Variants in GABRQ observed in about 807,000 individuals in gnomAD.
GABRQ encodes gamma-aminobutyric acid type A receptor subunit theta, also known as gamma-aminobutyric acid receptor subunit theta.
A neutral mutation model predicts 30.5 loss-of-function variants in GABRQ; 19 were observed. The ratio of observed to expected loss-of-function variants is 0.62; its 90% confidence interval spans 0.43 to 0.91. GABRQ has a LOEUF of 0.91. GABRQ is among the 40% of genes least tolerant of loss of function. GABRQ has a pLI of 0.00. For missense variants in GABRQ, 520 were observed against 521.4 expected (o/e 1.00, Z 0.03); for synonymous variants, 187 against 210.2 (o/e 0.89, Z 0.95).
chrX:152,647,685 G>T (rs1223248699), intron 4 of GABRQ, among the ~76,000 whole-genome samples: 1 of 111,306 alleles, frequency 9.0e-6, no homozygotes, highest in Non-Finnish European at 1.9e-5. Context: ...AGTGCGGAGG[G>T]GCAGGGTGTG....
At chrX:152,638,618 C>G (rs1182834479) in intron 1 of GABRQ, among the ~76,000 whole-genome samples, 2 of 112,099 alleles carry the variant, frequency 1.8e-5, no homozygotes, top group African/African-American at 6.5e-5. Flanking sequence ...AACCGCAGCC[C>G]GAGGGGTGGG....
rs782699208 is a variant in GABRQ at position 152,652,908 on chromosome X, G to A, written c.1526G>A (p.Arg509His). 2.6e-5 allele frequency: 32 copies of A among 1,211,488 alleles called. No individual in the cohort carries two copies. Among genetic ancestry groups the A allele is most frequent in the East Asian group, 5.9e-5 (2 of 33,853 alleles). ...DSNESLSSDE[R>H]HGHGPSGKPM... ...AATGAGAGCTTGAGCTCGGATGAGC[G>A]CCATGGCCATGGCCCCAGTGGGAAG... Residue 509 changes from arginine (R) to histidine (H), a missense_variant, in exon 9 of 9, where the codon CGC becomes CAC. Coordinates refer to ENST00000598523, the MANE Select transcript of GABRQ (RefSeq NM_018558.4).
Position 152,638,183 on chromosome X carries a change from G to A in GABRQ, c.-20G>A. On this transcript the variant is annotated 5_prime_UTR_variant, in exon 1 of 9. Coordinates refer to ENST00000598523, the MANE Select transcript of GABRQ (RefSeq NM_018558.4). ...GCGGCCCCGTCTCCCGCGCCCTCAG[G>A]CGCCCAGAACGCCCCGGCCATGGGC... 9.1e-6 allele frequency: 11 copies of A among 1,205,206 alleles called. No individual in the cohort carries two copies. Among genetic ancestry groups the A allele is most frequent in the Non-Finnish European group, 1.2e-5 (11 of 891,692 alleles).
chrX:152,647,680 G>A (rs1008390416), intron 4 of GABRQ, among the ~76,000 whole-genome samples: 7 of 111,374 alleles, frequency 6.3e-5, no homozygotes, highest in African/African-American at 1.6e-4. Context: ...CCAGGAGTGC[G>A]GAGGGGCAGG....
intron 2 of GABRQ, among the ~76,000 whole-genome samples, chrX:152,643,713 TCA>T (rs1289729785): frequency 8.9e-6 from 1 of 111,822 alleles, no homozygotes; most frequent in Non-Finnish European, 1.9e-5. Flanking sequence ...ACTGTCACAC[TCA>T]CACATTAACA....
intron 3 of GABRQ, among the ~76,000 whole-genome samples, chrX:152,646,513 G>A (rs782728495): frequency 2.7e-5 from 3 of 112,295 alleles, no homozygotes; most frequent in Non-Finnish European, 3.8e-5. Flanking sequence ...ATAATGTTGA[G>A]TGAAAGAAGC....
rs1556819815 is a variant in GABRQ at position 152,649,754 on chromosome X, T to C, written c.623T>C (p.Val208Ala). 8.4e-7 allele frequency: 1 copy of C among 1,189,014 alleles called. No individual in the cohort carries two copies. Among genetic ancestry groups the C allele is most frequent in the Non-Finnish European group, 1.1e-6 (1 of 876,774 alleles). ...NLVVESYGYT[V>A]EDIILFWDDN... is the part of the protein sequence containing the mutation. ...CTCTCCTTCCCAGATGGTTACACGG[T>C]TGAAGACATCATATTATTCTGGGAT... is the stretch of plus-strand genomic sequence containing the variant. The change falls in exon 6 of 9, where the codon GTT becomes GCT. Residue 208 changes from valine to alanine, a missense_variant. Val to Ala is a moderately conservative substitution (Grantham distance 64). Coordinates refer to ENST00000598523, the MANE Select transcript of GABRQ (RefSeq NM_018558.4).
At chrX:152,647,620 C>T (rs898802833) in intron 4 of GABRQ, among the ~76,000 whole-genome samples, 3 of 111,844 alleles carry the variant, frequency 2.7e-5, no homozygotes, top group African/African-American at 6.5e-5. Flanking sequence ...ATGCAGTGAA[C>T]GAGGGGGCCT....
At chrX:152,649,147 G>A in intron 4 of GABRQ, 104 bp from the exon 5 acceptor site, 1 of 572,629 alleles carries the variant, frequency 1.7e-6, no homozygotes, top group Non-Finnish European at 3.1e-6. Context: ...ACATGGGTCA[G>A]TCCTTGGGAT....
At chrX:152,639,378 G>GCACACACGCGCACA (rs1556817963) in intron 1 of GABRQ, among the ~76,000 whole-genome samples, 117 of 103,360 alleles carry the variant, frequency 1.1e-3, no homozygotes, top group African/African-American at 3.9e-3. Flanking sequence ...ATGCGCGTGC[G>GCACACACGCGCACA]CACACACACA....
At chrX:152,640,173 G>GA (rs1265930486) in intron 1 of GABRQ, among the ~76,000 whole-genome samples, 1 of 110,597 alleles carries the variant, frequency 9.0e-6, no homozygotes, top group African/African-American at 3.3e-5. Flanking sequence ...GGGAAGGTGG[G>GA]GGGGGGAGGA....
chrX:152,639,378 G>GCGCGCACACACACA (rs202009485), intron 1 of GABRQ, among the ~76,000 whole-genome samples: 81 of 103,362 alleles, frequency 7.8e-4, no homozygotes, highest in African/African-American at 2.7e-3. Context: ...ATGCGCGTGC[G>GCGCGCACACACACA]CACACACACA....
rs143922511 is a variant in GABRQ at position 152,640,348 on chromosome X, C to T, written c.150-30C>T. 118 of 1,024,089 alleles carry T rather than the reference C, an allele frequency of 1.2e-4. No individual in the cohort carries two copies. The African/African-American group carries it at 1.5e-3, about 13-fold the overall frequency. The allele number at this position is 1,024,089 out of a possible 1,213,427, so 84.4% of individuals were successfully genotyped here. On this transcript the variant is annotated intron_variant, in intron 1 of 8. Transcript: ENST00000598523. Reference sequence around the variant, plus strand: ...ACTGGCAAGCGGGCCCCAAGTCAACCGGCATTTACTTATGACTTCTCTGTT... The same window carrying T: ...ACTGGCAAGCGGGCCCCAAGTCAACTGGCATTTACTTATGACTTCTCTGTT...
rs1319421726 is a variant in GABRQ at position 152,657,456 on chromosome X, T to C, written c.*4175T>C. The C allele has an allele frequency of 8.9e-6, 1 of 112,308 alleles. No homozygotes were observed. The highest frequency in any genetic ancestry group is 3.2e-5 in the African/African-American group (1 of 30,852). The allele number at this position is 112,308 out of a possible 1,213,427, so 9.3% of individuals were successfully genotyped here. A position where few individuals can be genotyped will look rare whatever the true frequency, so the allele number is the denominator to read the frequency against. ...TAACAAAGTAAAATATGAAGAAACG[T>C]AAAATTATGCTTCTGAAAAATATAC... On this transcript the variant is annotated 3_prime_UTR_variant, in exon 9 of 9. Coordinates refer to ENST00000598523, the MANE Select transcript of GABRQ (RefSeq NM_018558.4).
Position 152,654,267 on chromosome X carries a change from G to A in GABRQ, c.*986G>A, listed in dbSNP as rs190534209. 2.7e-5 allele frequency: 3 copies of A among 111,920 alleles called. No individual in the cohort carries two copies. The highest frequency in any genetic ancestry group is 3.8e-4 in the South Asian group (1 of 2,644). The allele number at this position is 111,920 out of a possible 1,213,427, so 9.2% of individuals were successfully genotyped here. On this transcript the variant is annotated 3_prime_UTR_variant, in exon 9 of 9. Transcript: ENST00000598523. ...CTAGACTAGCAGATGAATATCTATC[G>A]TAAGTCTATATACTAATCCTTTCTA...
chrX:152,638,402 G>A (rs1930665090), intron 1 of GABRQ, 51 bp downstream of exon 1: 3 of 1,138,559 alleles, frequency 2.6e-6, no homozygotes, highest in Non-Finnish European at 3.6e-6. Context: ...ATGGAGACGG[G>A]CAGACGACCT....
At chrX:152,644,797 T>A (rs1329576559) in intron 2 of GABRQ, among the ~76,000 whole-genome samples, 2 of 111,844 alleles carry the variant, frequency 1.8e-5, no homozygotes, top group East Asian at 2.8e-4. Flanking sequence ...CACACAGGCA[T>A]CCTCACATAA....
rs782296530 is a variant in GABRQ at position 152,649,258 on chromosome X, A to G, written c.535A>G (p.Thr179Ala). Reference protein sequence around the residue: ...GTVRYGIRLTTTAACSLDLHK... With the variant: ...GTVRYGIRLTATAACSLDLHK... ...TTTTGTTTTCCTTTGCAGACTCACC[A>G]CTACAGCAGCTTGTTCCCTGGATCT... The change falls in exon 5 of 9, where the codon ACT becomes GCT. Residue 179 changes from threonine (T) to alanine (A), a missense_variant. By Grantham distance (58) the Thr-to-Ala change is moderately conservative. Transcript: ENST00000598523. 23 of 1,182,174 alleles carry G rather than the reference A, an allele frequency of 1.9e-5. No homozygotes were observed. The highest frequency in any genetic ancestry group is 2.4e-5 in the Non-Finnish European group (21 of 870,020).
intron 1 of GABRQ, among the ~76,000 whole-genome samples, chrX:152,639,001 TTC>T (rs1556817879): frequency 9.0e-6 from 1 of 111,047 alleles, no homozygotes; most frequent in Non-Finnish European, 1.9e-5. Context: ...TCCGGTTTTT[TTC>T]TCTTTTTGAT....
Sources: gnomAD v4.1 joint callset for allele counts (sites outside exome capture counted in the v4.1 genomes callset) on GRCh38, gnomAD v4.1.1 for gene constraint, MANE v1.5 for transcripts, NCBI Gene and HGNC (gene_info 2026-07-23, HGNC 2026-07-21) for gene names.